The following TULP4 variants were observed in gnomAD, a reference collection of about 807,000 sequenced individuals.
The protein encoded by TULP4 is TUB like protein 4.
In TULP4, 16 loss-of-function variants were observed where a neutral mutation model predicts 129.0. The ratio of observed to expected loss-of-function variants is 0.12; its 90% confidence interval spans 0.08 to 0.19. The LOEUF is 0.19. Among genes scored for constraint, TULP4 ranks in the 10% least tolerant of loss-of-function variants. The pLI is 1.00. For missense variants in TULP4, 1,842 were observed against 2,059.1 expected (o/e 0.89, Z 2.04); for synonymous variants, 998 against 854.0 (o/e 1.17, Z -2.94).
chr6:158,334,925 C>T lies in TULP4; in HGVS notation c.252+20657C>T, dbSNP rs539248941. Among the ~76,000 whole-genome samples the T allele has an allele frequency of 1.1e-4, 17 of 152,288 alleles. No individual in the cohort carries two copies. The South Asian group carries it at 3.3e-3, about 30-fold the overall frequency. Reference sequence around the variant, plus strand: ...ATGAGGAACAGGCCTTCACCAGACACCATCTCTGCTGACACCTTGATCTTG... The same window carrying T: ...ATGAGGAACAGGCCTTCACCAGACATCATCTCTGCTGACACCTTGATCTTG... On this transcript the variant is annotated intron_variant, in intron 1 of 13. Transcript: ENST00000367097.
intron 5 of TULP4, among the ~76,000 whole-genome samples, chr6:158,454,319 C>T (rs984948478): frequency 6.6e-6 from 1 of 152,156 alleles, no homozygotes; most frequent in Admixed American, 6.5e-5. Flanking sequence ...GGATGATCAA[C>T]ATTAATTCCT....
chr6:158,307,619 C>T (rs867690181), upstream of TULP4, among the ~76,000 whole-genome samples: 1 of 152,144 alleles, frequency 6.6e-6, no homozygotes, highest in African/African-American at 2.4e-5. Flanking sequence ...GTAGCTGGGA[C>T]TACGGGCACC....
At chr6:158,349,441 G>GGCA (rs1780430466) in intron 1 of TULP4, among the ~76,000 whole-genome samples, 2 of 141,774 alleles carry the variant, frequency 1.4e-5, no homozygotes, top group African/African-American at 2.6e-5. Context: ...TCCCAGACGG[G>GGCA]GCGGCTGGGC....
chr6:158,235,733 A>G (rs932935175), intron 1 of TULP4, among the ~76,000 whole-genome samples: 5 of 152,224 alleles, frequency 3.3e-5, no homozygotes, highest in Non-Finnish European at 7.3e-5. Flanking sequence ...ATTTTTGTAT[A>G]CTAAATGTTA....
rs116229832 is a variant in TULP4, at chr6:158,487,420, A to G, written c.1487-2168A>G. Among the ~76,000 whole-genome samples, 1,318 of 152,270 alleles carry G rather than the reference A, an allele frequency of 8.7e-3. 18 individuals carry two copies. Among genetic ancestry groups the G allele is most frequent in the African/African-American group, 0.03 (1,255 of 41,536 alleles). ...ATGTCACTGCATTGCACTCCAGCCTAGGCGACAGAGCGAGACTCCATCTCC... is the reference window on the plus strand; with the variant it reads ...ATGTCACTGCATTGCACTCCAGCCTGGGCGACAGAGCGAGACTCCATCTCC... On this transcript the variant is annotated intron_variant, in intron 8 of 13. Coordinates refer to ENST00000367097, the MANE Select transcript of TULP4 (RefSeq NM_020245.5).
intron 2 of TULP4, among the ~76,000 whole-genome samples, chr6:158,427,039 A>G (rs1778510189): frequency 6.6e-6 from 1 of 152,172 alleles, no homozygotes; most frequent in Non-Finnish European, 1.5e-5. Context: ...GTTTGTGTGT[A>G]GGAATGCTAG....
intron 1 of TULP4, among the ~76,000 whole-genome samples, chr6:158,389,259 G>A (rs548314653): frequency 6.6e-6 from 1 of 152,280 alleles, no homozygotes; most frequent in South Asian, 2.1e-4. Flanking sequence ...AGACCACCCT[G>A]GGAAACATGG....
At chr6:158,356,162 T>C (rs1213339142) in intron 1 of TULP4, among the ~76,000 whole-genome samples, 1 of 152,220 alleles carries the variant, frequency 6.6e-6, no homozygotes, top group East Asian at 1.9e-4. Flanking sequence ...CAGAGAGAAG[T>C]AAACATTTGT....
At chr6:158,443,199 G>T (rs543382339) in intron 3 of TULP4, among the ~76,000 whole-genome samples, 11 of 152,068 alleles carry the variant, frequency 7.2e-5, no homozygotes, top group Non-Finnish European at 1.6e-4. Context: ...GGTCAGGATG[G>T]TCTCGATCTC....
intron 1 of TULP4, among the ~76,000 whole-genome samples, chr6:158,376,050 A>C (rs1317344761): frequency 1.3e-5 from 2 of 152,142 alleles, no homozygotes; most frequent in African/African-American, 2.4e-5. Flanking sequence ...CGATGGGGGA[A>C]GTGAGGACAG....
intron 1 of TULP4, among the ~76,000 whole-genome samples, chr6:158,388,496 A>G (rs532373870): frequency 3.8e-4 from 58 of 151,510 alleles, no homozygotes; most frequent in African/African-American, 9.2e-4. Context: ...CGCCCGGCTA[A>G]TTTTTTGTAG....
chr6:158,506,440 C>G (rs1236007299), intron 13 of TULP4, 138 bp from the exon 14 acceptor site: 2 of 702,188 alleles, frequency 2.8e-6, no homozygotes, highest in Non-Finnish European at 5.3e-6. Flanking sequence ...ACCGTGTTAG[C>G]CAGGGTGGTC....
At chr6:158,365,654 G>A (rs1406235486) in intron 1 of TULP4, among the ~76,000 whole-genome samples, 1 of 150,028 alleles carries the variant, frequency 6.7e-6, no homozygotes, top group African/African-American at 2.5e-5. Flanking sequence ...TTTTTTGTTA[G>A]TAGAGAGGGG....
chr6:158,256,293 A>G (rs1326302053), intron 1 of TULP4, among the ~76,000 whole-genome samples: 1 of 152,060 alleles, frequency 6.6e-6, no homozygotes, highest in African/African-American at 2.4e-5. Flanking sequence ...GCATGTGTGT[A>G]TGTGTTTCTG....
intron 1 of TULP4, among the ~76,000 whole-genome samples, chr6:158,243,898 C>T (rs997041853): frequency 1.4e-4 from 20 of 143,538 alleles, no homozygotes; most frequent in Non-Finnish European, 2.7e-4. Flanking sequence ...AGAAATTCTC[C>T]TTTGTCAATT....
intron 1 of TULP4, among the ~76,000 whole-genome samples, chr6:158,322,642 CAG>C (rs1779665241): frequency 1.3e-5 from 2 of 152,056 alleles, no homozygotes; most frequent in African/African-American, 4.8e-5. Context: ...AGGTTAGAAA[CAG>C]TGTTTGTTGA....
At position 158,494,832 on chromosome 6, in the gene TULP4, C is replaced by T; in HGVS notation, c.1856C>T (p.Thr619Ile). 6.2e-7 allele frequency: 1 copy of T among 1,614,060 alleles called. No individual in the cohort carries two copies. The highest frequency in any genetic ancestry group is 8.5e-7 in the Non-Finnish European group (1 of 1,179,964). ...KIVGLAAFLP[T>I]NLGAVIYKTS... is the part of the protein sequence containing the mutation. ...GTGGGCTTGGCTGCTTTCCTGCCAA[C>T]CAACCTCGGTGCAGGTAAAAATCAT... Residue 619 changes from threonine to isoleucine, a missense_variant, in exon 11 of 14, where the codon ACC becomes ATC. Physicochemically the swap from Thr to Ile is moderately conservative, Grantham distance 89. Around this residue, in one of 5 missense-constraint regions of TULP4, gnomAD observed 99 missense variants for 165.1 expected, o/e 0.60. Coordinates refer to ENST00000367097, the MANE Select transcript of TULP4 (RefSeq NM_020245.5).
At chr6:158,275,306 G>A (rs771153587) in intron 1 of TULP4, among the ~76,000 whole-genome samples, 2 of 152,122 alleles carry the variant, frequency 1.3e-5, no homozygotes, top group African/African-American at 4.8e-5. Context: ...TGCTGCTGTC[G>A]AAACTGTGGT....
Position 158,481,916 on chromosome 6 carries a change from T to C in TULP4, c.1486+627T>C, listed in dbSNP as rs552742204. 2.0e-5 allele frequency among the ~76,000 whole-genome samples: 3 copies of C among 152,336 alleles called. No homozygotes were observed. The South Asian group carries it at 6.2e-4, about 32-fold the overall frequency. ...ATTGTAAGCTTCAGAGGGAAGGGAC[T>C]TTGTTCTTTTTTTGTGCCACTTGGT... On this transcript the variant is annotated intron_variant, in intron 8 of 13. Coordinates refer to ENST00000367097, the MANE Select transcript of TULP4 (RefSeq NM_020245.5).
Sources: allele counts gnomAD v4.1 joint callset (sites outside exome capture counted in the v4.1 genomes callset), GRCh38; gene constraint gnomAD v4.1.1; regional missense constraint gnomAD v4.1.1; transcripts MANE v1.5; gene names NCBI Gene and HGNC (gene_info 2026-07-23, HGNC 2026-07-21).